NCOA2: variants seen among roughly 807,000 people sequenced by gnomAD.
NCOA2 encodes nuclear receptor coactivator 2, also known as class E basic helix-loop-helix protein 75.
NCOA2 carries 21 observed loss-of-function variants against 145.1 expected under a neutral mutation model. The observed-to-expected ratio is 0.14, with a 90% CI of 0.10 to 0.21. NCOA2 has a LOEUF of 0.21. Among genes scored for constraint, NCOA2 ranks in the 10% least tolerant of loss-of-function variants. The probability of loss-of-function intolerance (pLI) is 1.00; values close to 1 mark genes in which losing one functional copy is unlikely to be tolerated. For missense variants in NCOA2, 1,472 were observed against 1,837.6 expected (o/e 0.80, Z 3.64); for synonymous variants, 619 against 637.5 (o/e 0.97, Z 0.44).
At chr8:70,168,256 C>A (rs2132574241) in intron 6 of NCOA2, among the ~76,000 whole-genome samples, 1 of 152,246 alleles carries the variant, frequency 6.6e-6, no homozygotes, top group South Asian at 2.1e-4. Flanking sequence ...TACAGAAAAA[C>A]CCATAACTAG....
At chr8:70,355,076 C>T (rs986727134) in intron 1 of NCOA2, among the ~76,000 whole-genome samples, 3 of 152,168 alleles carry the variant, frequency 2.0e-5, no homozygotes, top group Non-Finnish European at 4.4e-5. Context: ...GCAAATTCAA[C>T]CAAACCAAGC....
chr8:70,438,962 G>A, the NCOA2 span, among the ~76,000 whole-genome samples: 1 of 152,110 alleles, frequency 6.6e-6, no homozygotes, highest in South Asian at 2.1e-4. Context: ...CAGAAATTTG[G>A]GCTTCTGCCT....
intron 2 of NCOA2, among the ~76,000 whole-genome samples, chr8:70,250,194 C>T (rs1261018580): frequency 1.3e-5 from 2 of 151,548 alleles, no homozygotes; most frequent in Non-Finnish European, 2.9e-5. Flanking sequence ...GAGTTTGAGA[C>T]CAGCCTGGGC....
chr8:70,254,433 A>G (rs765277878), intron 2 of NCOA2, among the ~76,000 whole-genome samples: 7 of 152,346 alleles, frequency 4.6e-5, no homozygotes, highest in African/African-American at 1.7e-4. Flanking sequence ...TCATAGCCGC[A>G]TTATTCACAA....
chr8:70,378,762 AAC>A (rs1491384571), intron 1 of NCOA2, among the ~76,000 whole-genome samples: 5 of 151,832 alleles, frequency 3.3e-5, no homozygotes, highest in Admixed American at 6.6e-5. Flanking sequence ...AAAAAAAAAA[AAC>A]ATAAAATGAA....
chr8:70,156,564 C>G lies in NCOA2; in HGVS notation c.1801G>C (p.Glu601Gln). Residue 601 changes from glutamate (E) to glutamine (Q), a missense_variant, in exon 11 of 23, where the codon GAG (glutamate) becomes CAG (glutamine). Physicochemically the swap from Glu to Gln is conservative, Grantham distance 29. This residue lies in a region of NCOA2 where 953 missense variants were observed against 1,062.1 expected (regional missense o/e 0.90). Coordinates refer to ENST00000452400, the MANE Select transcript of NCOA2 (RefSeq NM_006540.4). ...EPSEGTTGQA[E>Q]SSCHPGEQKE... The stretch of plus-strand genomic sequence containing the variant: ...TGCTCTCCAGGATGGCAGCTGCTCT[C>G]TGCTTGTCCAGTTGTACCTTCAGAG... 6.2e-7 allele frequency: 1 copy of G among 1,613,958 alleles called. No homozygotes were observed. Among genetic ancestry groups the G allele is most frequent in the Non-Finnish European group, 8.5e-7 (1 of 1,179,880 alleles).
At chr8:70,142,063 C>T (rs1810496328) in intron 13 of NCOA2, among the ~76,000 whole-genome samples, 1 of 152,178 alleles carries the variant, frequency 6.6e-6, no homozygotes. Context: ...GAGGTGTTAA[C>T]AGTTATCTGA....
At chr8:70,310,083 C>A (rs1828198246) in intron 1 of NCOA2, among the ~76,000 whole-genome samples, 1 of 152,094 alleles carries the variant, frequency 6.6e-6, no homozygotes, top group Non-Finnish European at 1.5e-5. Context: ...TGTAACCCAG[C>A]ACTTTGGGAG....
intron 22 of NCOA2, among the ~76,000 whole-genome samples, chr8:70,115,138 A>AT (rs199642277): frequency 2.6e-5 from 4 of 151,424 alleles, no homozygotes; most frequent in African/African-American, 9.7e-5. Flanking sequence ...ACTGAGAAGT[A>AT]TTTATTTATT....
intron 1 of NCOA2, among the ~76,000 whole-genome samples, chr8:70,346,671 C>T (rs1224398614): frequency 6.6e-6 from 1 of 152,110 alleles, no homozygotes; most frequent in Non-Finnish European, 1.5e-5. Flanking sequence ...CAGCCTAGTG[C>T]CTACCTCATA....
At chr8:70,291,916 G>A (rs544911007) in intron 2 of NCOA2, among the ~76,000 whole-genome samples, 4 of 151,884 alleles carry the variant, frequency 2.6e-5, no homozygotes, top group South Asian at 4.2e-4. Context: ...TGGCTAACAC[G>A]GTGAAACCCC....
At chr8:70,265,938 G>A (rs1824544302) in intron 2 of NCOA2, among the ~76,000 whole-genome samples, 2 of 152,146 alleles carry the variant, frequency 1.3e-5, no homozygotes, top group African/African-American at 4.8e-5. Flanking sequence ...AAGAATTTGA[G>A]ACCAGCCTGG....
rs567875618 is a variant in NCOA2 at position 70,141,504 on chromosome 8, C to T, written c.2813-105G>A. ...CCTACAAAACAATCATTCTGTAATT[C>T]ACACTTAGCCAATAGCTAATGTTCT... On this transcript the variant is annotated intron_variant, in intron 13 of 22. Coordinates refer to ENST00000452400, the MANE Select transcript of NCOA2 (RefSeq NM_006540.4). 1.8e-5 allele frequency: 19 copies of T among 1,056,664 alleles called. No homozygotes were observed. In the African/African-American group the frequency reaches 2.2e-4, roughly 12 times the overall value. The allele number at this position is 1,056,664 out of a possible 1,614,324, so 65.5% of individuals were successfully genotyped here. A position where few individuals can be genotyped will look rare whatever the true frequency, so the allele number is the denominator to read the frequency against.
chr8:70,362,555 T>G (rs918590155), intron 1 of NCOA2, among the ~76,000 whole-genome samples: 1 of 152,146 alleles, frequency 6.6e-6, no homozygotes, highest in African/African-American at 2.4e-5. Context: ...CACAAAAGCA[T>G]GCTGAATATC....
intron 2 of NCOA2, among the ~76,000 whole-genome samples, chr8:70,254,371 T>A (rs1823453027): frequency 6.6e-6 from 1 of 152,224 alleles, no homozygotes; most frequent in South Asian, 2.1e-4. Context: ...CTTCTGGGTA[T>A]GTATCCAAAA....
chr8:70,219,981 C>T (rs372546728), intron 2 of NCOA2, among the ~76,000 whole-genome samples: 3 of 152,104 alleles, frequency 2.0e-5, no homozygotes, highest in Non-Finnish European at 2.9e-5. Flanking sequence ...GTTATAAAAA[C>T]GACTTTCTTC....
chr8:70,451,241 T>A, the NCOA2 span, among the ~76,000 whole-genome samples: 136 of 104,346 alleles, frequency 1.3e-3, no homozygotes, highest in African/African-American at 4.0e-3. Context: ...AAAAAAAATA[T>A]ATATATATAT....
At chr8:70,404,480 C>T (rs1814674700), upstream of NCOA2, among the ~76,000 whole-genome samples, 1 of 152,196 alleles carries the variant, frequency 6.6e-6, no homozygotes, top group Non-Finnish European at 1.5e-5. Flanking sequence ...CCCTACCCAA[C>T]TCCCGGTCCT....
chr8:70,272,088 C>T (rs901490410), intron 2 of NCOA2, among the ~76,000 whole-genome samples: 23 of 152,198 alleles, frequency 1.5e-4, no homozygotes, highest in Non-Finnish European at 4.4e-5. Flanking sequence ...TACATACAAA[C>T]ACTTGAAAAA....
Sources: allele counts gnomAD v4.1 joint callset (sites outside exome capture counted in the v4.1 genomes callset), GRCh38; gene constraint gnomAD v4.1.1; regional missense constraint gnomAD v4.1.1; transcripts MANE v1.5; gene names NCBI Gene and HGNC (gene_info 2026-07-23, HGNC 2026-07-21).